IFT25: variants seen among roughly 807,000 people sequenced by gnomAD.
The protein encoded by IFT25 is intraflagellar transport protein 25 homolog.
the IFT25 span, among the ~76,000 whole-genome samples, chr1:53,916,046 G>A: frequency 6.6e-6 from 1 of 151,986 alleles, no homozygotes; most frequent in Admixed American, 6.6e-5. Context: ...TTAGCCAGGT[G>A]TGGTGGCATG....
chr1:53,914,630 A>T, the IFT25 span, among the ~76,000 whole-genome samples: 1 of 152,010 alleles, frequency 6.6e-6, no homozygotes, highest in Non-Finnish European at 1.5e-5. Context: ...CCTTTATCTG[A>T]TTATTAGGCT....
At chr1:53,918,020 A>G in the IFT25 span, among the ~76,000 whole-genome samples, 1 of 152,170 alleles carries the variant, frequency 6.6e-6, no homozygotes, top group Non-Finnish European at 1.5e-5. Flanking sequence ...AGGATGAGCC[A>G]CATTCTAGAC....
chr1:53,914,934 C>A, the IFT25 span, among the ~76,000 whole-genome samples: 3 of 152,202 alleles, frequency 2.0e-5, no homozygotes, highest in African/African-American at 7.2e-5. Flanking sequence ...AGACTTGGTA[C>A]ATGGTAAAAA....
the IFT25 span, chr1:53,939,997 T>C: frequency 6.3e-7 from 1 of 1,591,198 alleles, no homozygotes. Context: ...ATCAATGATA[T>C]TTTCAGGTGG....
At chr1:53,945,181 A>G in the IFT25 span, among the ~76,000 whole-genome samples, 8 of 152,290 alleles carry the variant, frequency 5.3e-5, no homozygotes, top group East Asian at 1.5e-3. Flanking sequence ...CAAATTATGT[A>G]AAGAATATAT....
chr1:53,940,751 C>T, the IFT25 span, among the ~76,000 whole-genome samples: 1 of 151,818 alleles, frequency 6.6e-6, no homozygotes, highest in Admixed American at 6.6e-5. Context: ...ACTCTGACAC[C>T]AAGGCTGGAG....
At chr1:53,916,030 A>G in the IFT25 span, among the ~76,000 whole-genome samples, 21 of 152,044 alleles carry the variant, frequency 1.4e-4, no homozygotes, top group Non-Finnish European at 1.5e-5. Context: ...ATAAAAATAC[A>G]AAAAATTAGC....
the IFT25 span, among the ~76,000 whole-genome samples, chr1:53,913,230 G>A: frequency 6.6e-6 from 1 of 152,214 alleles, no homozygotes. Context: ...TCCGGTGCCA[G>A]TCATGCTTCA....
chr1:53,925,488 A>G, the IFT25 span, among the ~76,000 whole-genome samples: 1 of 150,674 alleles, frequency 6.6e-6, no homozygotes, highest in African/African-American at 2.4e-5. Context: ...GTGAAACCCC[A>G]TCTCTACTAA....
chr1:53,924,817 A>T, the IFT25 span, among the ~76,000 whole-genome samples: 1 of 152,216 alleles, frequency 6.6e-6, no homozygotes. Flanking sequence ...AGCCTGGGTG[A>T]CAGGGCAAGA....
chr1:53,933,899 T>C, the IFT25 span, among the ~76,000 whole-genome samples: 1 of 152,298 alleles, frequency 6.6e-6, no homozygotes, highest in African/African-American at 2.4e-5. Flanking sequence ...TTGAAATAGC[T>C]GCTCTCTAGG....
the IFT25 span, among the ~76,000 whole-genome samples, chr1:53,936,921 C>T: frequency 2.0e-5 from 3 of 152,078 alleles, no homozygotes; most frequent in South Asian, 6.2e-4. Flanking sequence ...TCTCAAACTC[C>T]TGACCTCAAG....
At chr1:53,917,202 A>G in the IFT25 span, 2 of 152,830 alleles carry the variant, frequency 1.3e-5, no homozygotes, top group African/African-American at 4.8e-5. Flanking sequence ...AAATAAAATT[A>G]AAGCATATAT....
the IFT25 span, among the ~76,000 whole-genome samples, chr1:53,941,936 G>T: frequency 6.6e-6 from 1 of 152,282 alleles, no homozygotes; most frequent in Non-Finnish European, 1.5e-5. Flanking sequence ...TGAATTGGGT[G>T]ATAGCTAGTA....
chr1:53,932,460 A>T, the IFT25 span, among the ~76,000 whole-genome samples: 1 of 151,820 alleles, frequency 6.6e-6, no homozygotes, highest in Middle Eastern at 3.2e-3. Flanking sequence ...TTTGTTGTTT[A>T]TTTCTAATTT....
the IFT25 span, among the ~76,000 whole-genome samples, chr1:53,937,699 T>C: frequency 6.6e-6 from 1 of 152,198 alleles, no homozygotes; most frequent in African/African-American, 2.4e-5. Context: ...ACCAAAGTAG[T>C]GCAGGGTAAA....
chr1:53,923,440 C>T, the IFT25 span: 591 of 154,430 alleles, frequency 3.8e-3, 1 homozygote, highest in African/African-American at 0.012. Flanking sequence ...GGAATGTTGT[C>T]GAAAAATACT....
the IFT25 span, chr1:53,946,036 A>G: frequency 1.4e-5 from 2 of 140,972 alleles, no homozygotes; most frequent in African/African-American, 5.4e-5. Context: ...CACGCCTCCC[A>G]CAGGCCCCGC....
the IFT25 span, among the ~76,000 whole-genome samples, chr1:53,928,088 T>C: frequency 6.6e-5 from 10 of 152,208 alleles, no homozygotes; most frequent in Non-Finnish European, 1.2e-4. Context: ...GTCTATTATA[T>C]GCCAGACACT....
Sources: allele counts gnomAD v4.1 joint callset (sites outside exome capture counted in the v4.1 genomes callset), GRCh38; gene constraint gnomAD v4.1.1; transcripts MANE v1.5; gene names NCBI Gene and HGNC (gene_info 2026-07-23, HGNC 2026-07-21).